Variants in AGFG2 observed in about 807,000 individuals in gnomAD.
The protein encoded by AGFG2 is ArfGAP with FG repeats 2.
In AGFG2, 31 loss-of-function variants were observed where a neutral mutation model predicts 48.0. The observed-to-expected ratio is 0.65, with a 90% CI of 0.49 to 0.87. The LOEUF (loss-of-function observed/expected upper bound fraction) is 0.87. AGFG2 is among the 40% of genes least tolerant of loss of function. The probability of loss-of-function intolerance (pLI) is 0.00; values close to 1 mark genes in which losing one functional copy is unlikely to be tolerated. For synonymous variants in AGFG2, 229 were observed against 260.8 expected (o/e 0.88, Z 1.18); for missense variants, 599 against 632.6 (o/e 0.95, Z 0.57).
chr7:100,539,399 G>C lies in AGFG2; in HGVS notation c.53G>C (p.Gly18Ala). The C allele has an allele frequency of 7.6e-7, 1 of 1,312,138 alleles. No individual in the cohort carries two copies. The highest frequency in any genetic ancestry group is 2.1e-5 in the South Asian group (1 of 46,866). The allele number at this position is 1,312,138 out of a possible 1,614,324, so 81.3% of individuals were successfully genotyped here. The change falls in exon 1 of 12, where the codon GGC becomes GCC. Residue 18 changes from glycine to alanine, a missense_variant. Physicochemically the swap from Gly to Ala is moderately conservative, Grantham distance 60. Coordinates refer to ENST00000300176, the MANE Select transcript of AGFG2 (RefSeq NM_006076.5). ...GPGPGGGVSG[G>A]KAEAEAASEV... ...GGCCCGGGCGGCGGGGTCAGCGGGGGCAAGGCGGAGGCGGAGGCGGCCTCG... is the reference window on the plus strand; with the variant it reads ...GGCCCGGGCGGCGGGGTCAGCGGGGCCAAGGCGGAGGCGGAGGCGGCCTCG...
Position 100,555,697 on chromosome 7 carries a change from C to T in AGFG2, c.839C>T (p.Ala280Val). ...TCTGTGTTTGGAAGCCTCCCTCCAG[C>T]TGGTCAAGCCTCGTTCCAGGCCCAG... Reference protein sequence around the residue: ...SSSVFGSLPPAGQASFQAQPT... With the variant: ...SSSVFGSLPPVGQASFQAQPT... The change falls in exon 6 of 12, where the codon GCT (alanine) becomes GTT (valine). Residue 280 changes from alanine to valine, a missense_variant. Physicochemically the swap from Ala to Val is moderately conservative, Grantham distance 64. Transcript: ENST00000300176. 1 of 1,614,146 alleles carries T rather than the reference C, an allele frequency of 6.2e-7. No individual in the cohort carries two copies. The highest frequency in any genetic ancestry group is 8.5e-7 in the Non-Finnish European group (1 of 1,179,990).
At chr7:100,561,920 T>C (rs1218097501) in intron 6 of AGFG2, among the ~76,000 whole-genome samples, 1 of 152,138 alleles carries the variant, frequency 6.6e-6, no homozygotes, top group East Asian at 1.9e-4. Flanking sequence ...AGGACAGGCT[T>C]TTCCATCTCT....
At chr7:100,564,836 T>C (rs1439689385) in intron 11 of AGFG2, 96 bp from the exon 12 acceptor site, 12 of 1,377,378 alleles carry the variant, frequency 8.7e-6, no homozygotes, top group Admixed American at 1.7e-5. Flanking sequence ...GCCCTCAGCA[T>C]AGCGATTTTT....
intron 1 of AGFG2, among the ~76,000 whole-genome samples, chr7:100,543,902 C>T (rs898504787): frequency 2.6e-5 from 4 of 152,196 alleles, no homozygotes; most frequent in Non-Finnish European, 4.4e-5. Context: ...TTTCCTTAAC[C>T]TAGATGTGGA....
rs1800606949 is a variant in AGFG2, at chr7:100,550,440, T to C, written c.360T>C (p.Ser120=). Residue 120 remains serine, a synonymous_variant, in exon 3 of 12, where the codon TCT becomes TCC. Transcript: ENST00000300176. The stretch of plus-strand genomic sequence containing the variant: ...TGGGTCTGTTTGATGCTCGGACATC[T>C]TTAGTACCAGATTCCAGGGATCCTC... ...IWLGLFDART[S]LVPDSRDPQK... 1 of 1,614,162 alleles carries C rather than the reference T, an allele frequency of 6.2e-7. No individual in the cohort carries two copies.
chr7:100,550,287 C>G lies in AGFG2; in HGVS notation c.316-109C>G. On this transcript the variant is annotated intron_variant, in intron 2 of 11. Transcript: ENST00000300176. ...GTGCCACTGCACTCCAGCCCGGCGA[C>G]AGAGCGAGACTCCGTCTCAAAAAAA... The G allele has an allele frequency of 8.2e-6, 6 of 734,454 alleles. No homozygotes were observed. The South Asian group carries it at 8.9e-5, about 11-fold the overall frequency. The allele number at this position is 734,454 out of a possible 1,614,324, so 45.5% of individuals were successfully genotyped here. A position where few individuals can be genotyped will look rare whatever the true frequency, so the allele number is the denominator to read the frequency against.
At chr7:100,558,333 T>G (rs1800797357) in intron 6 of AGFG2, among the ~76,000 whole-genome samples, 2 of 152,080 alleles carry the variant, frequency 1.3e-5, no homozygotes, top group Admixed American at 1.3e-4. Flanking sequence ...ATGGCCAGTA[T>G]TATGTGGGGG....
intron 1 of AGFG2, among the ~76,000 whole-genome samples, chr7:100,542,130 C>T (rs1178111829): frequency 6.6e-6 from 1 of 152,108 alleles, no homozygotes; most frequent in Middle Eastern, 3.2e-3. Context: ...ATTCTCTTGC[C>T]TCAGCCTCCT....
rs73711133 is a variant in AGFG2, at chr7:100,562,496, T to C, written c.999-98T>C. On this transcript the variant is annotated intron_variant, in intron 7 of 11. Coordinates refer to ENST00000300176, the MANE Select transcript of AGFG2 (RefSeq NM_006076.5). The surrounding 1 kb of genome is among the most constrained non-coding windows in gnomAD (Gnocchi z 5.4). Reference sequence around the variant, plus strand: ...AGTTCTCCCCTCCCCTCCTCTCCCTTACTCACCCTGGAGAGCAGGGTTGGC... The same window carrying C: ...AGTTCTCCCCTCCCCTCCTCTCCCTCACTCACCCTGGAGAGCAGGGTTGGC... 0.068 allele frequency: 108,536 copies of C among 1,600,846 alleles called. 4,201 individuals are homozygous for C. The highest frequency in any genetic ancestry group is 0.14 in the African/African-American group (10,798 of 74,780).
Position 100,539,543 on chromosome 7 carries a change from T to A in AGFG2, c.197T>A (p.Val66Glu). The change falls in exon 1 of 12, where the codon GTG becomes GAG. Residue 66 changes from valine (V) to glutamate (E), a missense_variant. Val to Glu is a moderately radical substitution (Grantham distance 121, BLOSUM62 -2). Transcript: ENST00000300176. ...GTGGATATCACCGTGGGCAGCTTCG[T>A]GTGCACCACCTGCTCCGGCCTCCTG... ...TYVDITVGSF[V>E]CTTCSGLLRG... 8.4e-7 allele frequency: 1 copy of A among 1,189,444 alleles called. No homozygotes were observed. Among genetic ancestry groups the A allele is most frequent in the Non-Finnish European group, 1.0e-6 (1 of 952,794 alleles). The allele number at this position is 1,189,444 out of a possible 1,614,324, so 73.7% of individuals were successfully genotyped here.
intron 2 of AGFG2, among the ~76,000 whole-genome samples, chr7:100,549,679 A>G (rs914400529): frequency 3.3e-5 from 5 of 151,532 alleles, no homozygotes; most frequent in African/African-American, 4.9e-5. Flanking sequence ...ATATTTGTTT[A>G]TTTATTTATT....
intron 1 of AGFG2, among the ~76,000 whole-genome samples, chr7:100,541,542 C>G (rs1800421232): frequency 6.6e-6 from 1 of 151,952 alleles, no homozygotes; most frequent in South Asian, 2.1e-4. Flanking sequence ...GAGCAGATCA[C>G]TTGAGGTCAG....
chr7:100,552,691 A>G (rs1365779528), intron 3 of AGFG2, among the ~76,000 whole-genome samples: 2 of 152,188 alleles, frequency 1.3e-5, no homozygotes, highest in African/African-American at 4.8e-5. Flanking sequence ...GATTAAGCTG[A>G]CACTTACAGA....
At position 100,564,284 on chromosome 7, in the gene AGFG2, T is replaced by G; in HGVS notation, c.1367T>G (p.Ile456Ser). The change falls in exon 11 of 12, where the codon ATC (isoleucine) becomes AGC (serine). Residue 456 changes from isoleucine (I) to serine (S), a missense_variant. Ile to Ser is a moderately radical substitution (Grantham distance 142, BLOSUM62 -2). Transcript: ENST00000300176. ...GQRPLSQPAG[I>S]STNPFMTGPS... ...AGGCCACTGAGCCAGCCAGCTGGGA[T>G]CTCCACCAACCCCTTCATGGTGAGT... 1 of 1,613,834 alleles carries G rather than the reference T, an allele frequency of 6.2e-7. No individual in the cohort carries two copies. The highest frequency in any genetic ancestry group is 8.5e-7 in the Non-Finnish European group (1 of 1,179,898).
chr7:100,542,585 C>T (rs1218094033), intron 1 of AGFG2, among the ~76,000 whole-genome samples: 3 of 152,136 alleles, frequency 2.0e-5, no homozygotes, highest in Non-Finnish European at 4.4e-5. Flanking sequence ...GGCATATAAT[C>T]CTTGTAAAGG....
At chr7:100,560,183 CT>C (rs113365559) in intron 6 of AGFG2, among the ~76,000 whole-genome samples, 406 of 140,868 alleles carry the variant, frequency 2.9e-3, no homozygotes, top group Middle Eastern at 3.7e-3. Context: ...ATGCTGCTGG[CT>C]TTTTTTTTTT....
intron 2 of AGFG2, 91 bp from the exon 3 acceptor site, chr7:100,550,305 C>CAA (rs61255061): frequency 0.018 from 5,166 of 293,316 alleles, 6 homozygotes; most frequent in African/African-American, 0.024. Flanking sequence ...GACTCCGTCT[C>CAA]AAAAAAAAAA....
Position 100,565,162 on chromosome 7 carries a change from C to A in AGFG2, c.*171C>A. The A allele has an allele frequency of 1.4e-6, 1 of 736,332 alleles. No individual in the cohort carries two copies. The highest frequency in any genetic ancestry group is 2.3e-6 in the Non-Finnish European group (1 of 433,194). The allele number at this position is 736,332 out of a possible 1,614,324, so 45.6% of individuals were successfully genotyped here. A position where few individuals can be genotyped will look rare whatever the true frequency, so the allele number is the denominator to read the frequency against. On this transcript the variant is annotated 3_prime_UTR_variant, in exon 12 of 12. Coordinates refer to ENST00000300176, the MANE Select transcript of AGFG2 (RefSeq NM_006076.5). ...GTGGCTGCCCTCAGATTCCACAAAG[C>A]CTCTCTCCCCTCCCTCGTCCCACCC...
chr7:100,564,508 C>T (rs1376578455), intron 11 of AGFG2, among the ~76,000 whole-genome samples: 1 of 151,646 alleles, frequency 6.6e-6, no homozygotes, highest in East Asian at 1.9e-4. Flanking sequence ...TGGCTCCCTT[C>T]TCCCTCACTT....
Sources: gnomAD v4.1 joint callset for allele counts (sites outside exome capture counted in the v4.1 genomes callset) on GRCh38, gnomAD v4.1.1 for gene constraint, Gnocchi (gnomAD v3.1) non-coding constraint, MANE v1.5 for transcripts, NCBI Gene and HGNC (gene_info 2026-07-23, HGNC 2026-07-21) for gene names.